CDH4: variants seen among roughly 807,000 people sequenced by gnomAD.
CDH4 encodes cadherin 4.
Under a neutral mutation model 86.0 loss-of-function variants are expected in CDH4, and 33 were observed. The observed-to-expected ratio is 0.38, with a 90% confidence interval of 0.29 to 0.51. The LOEUF is 0.51. Among genes scored for constraint, CDH4 ranks in the 20% least tolerant of loss-of-function variants. The pLI, the probability that CDH4 is intolerant of heterozygous loss-of-function variation, is 0.86. For missense variants in CDH4, 1,114 were observed against 1,307.4 expected, an observed-to-expected ratio of 0.85 and a Z score of 2.28; for synonymous variants, 555 against 549.4, an observed-to-expected ratio of 1.01 and a Z score of -0.14.
At chr20:61,254,653 A>G (rs1005688966) in intron 1 of CDH4, among the ~76,000 whole-genome samples, 173 bp from the exon 2 acceptor site, 4 of 151,994 alleles carry the variant, frequency 2.6e-5, no homozygotes, top group African/African-American at 9.7e-5. Context: ...GTGCTCCCTA[A>G]AGTCCCCAGA....
chr20:61,781,405 G>T (rs183225489), intron 4 of CDH4, among the ~76,000 whole-genome samples: 1 of 152,100 alleles, frequency 6.6e-6, no homozygotes, highest in Non-Finnish European at 1.5e-5. Context: ...TAGATGGATA[G>T]ATGGGGAATC....
At chr20:61,541,058 A>G (rs1293791736) in intron 2 of CDH4, among the ~76,000 whole-genome samples, 1 of 152,230 alleles carries the variant, frequency 6.6e-6, no homozygotes, top group African/African-American at 2.4e-5. Flanking sequence ...AAAATAGCTT[A>G]TTAGCTGCCA....
chr20:61,722,630 C>A (rs919969732), intron 2 of CDH4, among the ~76,000 whole-genome samples: 1 of 140,100 alleles, frequency 7.1e-6, no homozygotes, highest in Non-Finnish European at 1.5e-5. Context: ...GCAGGGCGCC[C>A]CCCCACCCCC....
At chr20:61,906,358 AC>A (rs1374127281) in intron 8 of CDH4, among the ~76,000 whole-genome samples, 12 of 152,240 alleles carry the variant, frequency 7.9e-5, no homozygotes, top group Non-Finnish European at 1.5e-4. Flanking sequence ...CCTCGGGCCA[AC>A]ACCACACTAG....
chr20:61,398,672 C>G (rs545045744), intron 2 of CDH4, among the ~76,000 whole-genome samples: 64 of 152,204 alleles, frequency 4.2e-4, no homozygotes, highest in African/African-American at 1.5e-3. Context: ...TCCATGTCTA[C>G]GAACTGAATT....
At chr20:61,253,626 G>A (rs1002004121) in intron 1 of CDH4, among the ~76,000 whole-genome samples, 3 of 152,228 alleles carry the variant, frequency 2.0e-5, no homozygotes. Flanking sequence ...GCCTCCCACC[G>A]GGCTGCGGGT....
rs898802176 is a variant in CDH4 at position 61,393,780 on chromosome 20, G to C, written c.169+138843G>C. Among the ~76,000 whole-genome samples, 2 of 151,982 alleles carry C rather than the reference G, an allele frequency of 1.3e-5. No homozygotes were observed. The highest frequency in any genetic ancestry group is 1.3e-4 in the Admixed American group (2 of 15,256). On this transcript the variant is annotated intron_variant, in intron 2 of 15. Transcript: ENST00000614565. This position sits in a 1 kb window ranked among gnomAD's most constrained non-coding sequence, Gnocchi z 4.3. ...ACACGAGTCCTGGAGACCGTGCAGT[G>C]AACTCTTACACCCCAGGGCTCAGTG...
At chr20:61,432,552 C>G (rs2145517523) in intron 2 of CDH4, among the ~76,000 whole-genome samples, 1 of 152,170 alleles carries the variant, frequency 6.6e-6, no homozygotes, top group South Asian at 2.1e-4. Flanking sequence ...CAGATATACA[C>G]AGCATATTGA....
In CDH4 at chr20:61,613,969, G is replaced by A. The variant is rs745752027; in HGVS notation, c.170-129594G>A. On this transcript the variant is annotated intron_variant, in intron 2 of 15. Coordinates refer to ENST00000614565, the MANE Select transcript of CDH4 (RefSeq NM_001794.5). Reference sequence around the variant, plus strand: ...CTTGGGTTCCTTGTGATTGACAAACGTGACTAAGTCTCTGGTGCAGATGTT... The same window carrying A: ...CTTGGGTTCCTTGTGATTGACAAACATGACTAAGTCTCTGGTGCAGATGTT... 3.3e-5 allele frequency among the ~76,000 whole-genome samples: 5 copies of A among 152,134 alleles called. No individual in the cohort carries two copies. In the East Asian group the frequency reaches 5.8e-4, roughly 18 times the overall value.
intron 8 of CDH4, among the ~76,000 whole-genome samples, chr20:61,906,152 G>A (rs930797551): frequency 2.0e-5 from 3 of 152,236 alleles, no homozygotes; most frequent in Non-Finnish European, 4.4e-5. Flanking sequence ...CAGTTATTGA[G>A]GCGGGGGCCT....
chr20:61,407,550 A>G (rs185317447), intron 2 of CDH4, among the ~76,000 whole-genome samples: 2 of 152,376 alleles, frequency 1.3e-5, no homozygotes, highest in East Asian at 1.9e-4. Context: ...GCAGGGTCTT[A>G]TAAGTAAAGT....
At chr20:61,425,306 G>T (rs1181497577) in intron 2 of CDH4, among the ~76,000 whole-genome samples, 1 of 152,132 alleles carries the variant, frequency 6.6e-6, no homozygotes, top group Non-Finnish European at 1.5e-5. Flanking sequence ...GAGAGCAGTG[G>T]CACCCTGAAC....
Position 61,883,144 on chromosome 20 carries a change from C to A in CDH4, c.1050+9244C>A, listed in dbSNP as rs1484049211. On this transcript the variant is annotated intron_variant, in intron 7 of 15. Transcript: ENST00000614565. ...CCCAGGGCCTTCTCGCTGGCTGCTC[C>A]CCCCGCCTACAGCATTCCTCCCGAG... 2.0e-4 allele frequency among the ~76,000 whole-genome samples: 30 copies of A among 147,562 alleles called. 1 individual carries two copies. The highest frequency in any genetic ancestry group is 3.0e-5 in the Non-Finnish European group (2 of 66,166).
In CDH4 at chr20:61,611,181, T is replaced by TCAGCCC. The variant is rs561535348; in HGVS notation, c.170-132362_170-132357dup. On this transcript the variant is annotated intron_variant, in intron 2 of 15. Coordinates refer to ENST00000614565, the MANE Select transcript of CDH4 (RefSeq NM_001794.5). ...ACTGCAGTGAGTGGGGCCGGAGCTT[T>TCAGCCC]CAGCCCCAGCCCCAGCCCCAGCCCC... is the stretch of plus-strand genomic sequence containing the variant. 1.6e-3 allele frequency among the ~76,000 whole-genome samples: 240 copies of TCAGCCC among 151,868 alleles called. 4 individuals are homozygous for TCAGCCC. The highest frequency in any genetic ancestry group is 4.9e-3 in the African/African-American group (203 of 41,322).
At chr20:61,637,423 T>C (rs2086958836) in intron 2 of CDH4, among the ~76,000 whole-genome samples, 1 of 152,174 alleles carries the variant, frequency 6.6e-6, no homozygotes, top group African/African-American at 2.4e-5. Flanking sequence ...AACATCCCAG[T>C]GTGAACGTTG....
At position 61,907,196 on chromosome 20, in the gene CDH4, C is replaced by T. The variant is rs538404848; in HGVS notation, c.1189-3226C>T. ...GCTCTGTCCCACCCCCAGGCCCCCC[C>T]GGGCACCAGGTCAGCTCCTAGACTC... On this transcript the variant is annotated intron_variant, in intron 8 of 15. Transcript: ENST00000614565. 3.3e-5 allele frequency among the ~76,000 whole-genome samples: 5 copies of T among 152,270 alleles called. No homozygotes were observed. The South Asian group carries it at 6.2e-4, about 19-fold the overall frequency.
chr20:61,616,988 A>G (rs2086730266), intron 2 of CDH4, among the ~76,000 whole-genome samples: 1 of 152,202 alleles, frequency 6.6e-6, no homozygotes, highest in African/African-American at 2.4e-5. Flanking sequence ...AGTGGAAAAC[A>G]GAGGAACAAA....
chr20:61,833,425 G>C (rs576856874), intron 4 of CDH4, among the ~76,000 whole-genome samples: 2 of 152,102 alleles, frequency 1.3e-5, no homozygotes, highest in African/African-American at 2.4e-5. Context: ...GGGGGAGACA[G>C]CAAACATAGT....
chr20:61,270,631 A>G (rs2084178566), intron 2 of CDH4, among the ~76,000 whole-genome samples: 1 of 152,230 alleles, frequency 6.6e-6, no homozygotes, highest in South Asian at 2.1e-4. Flanking sequence ...TGAAAGGTTA[A>G]TGGCTGGTAA....
Sources: gnomAD v4.1 joint callset for allele counts (sites outside exome capture counted in the v4.1 genomes callset) on GRCh38, gnomAD v4.1.1 for gene constraint, Gnocchi (gnomAD v3.1) non-coding constraint, MANE v1.5 for transcripts, NCBI Gene and HGNC (gene_info 2026-07-23, HGNC 2026-07-21) for gene names.